Variants in COL25A1 observed in about 807,000 individuals in gnomAD.
COL25A1 encodes the protein collagen alpha-1(XXV) chain.
COL25A1 carries 103 observed loss-of-function variants against 128.4 expected under a neutral mutation model. The ratio of observed to expected loss-of-function variants is 0.80; its 90% confidence interval spans 0.68 to 0.94. COL25A1 has a LOEUF of 0.94. Among genes scored for constraint, COL25A1 ranks in the 40% least tolerant of loss-of-function variants. COL25A1 has a pLI of 0.00. For synonymous variants in COL25A1, 279 were observed against 277.2 expected (o/e 1.01, Z -0.06); for missense variants, 745 against 840.0 (o/e 0.89, Z 1.40).
At chr4:109,085,200 C>T (rs1386318628) in intron 3 of COL25A1, among the ~76,000 whole-genome samples, 3 of 152,162 alleles carry the variant, frequency 2.0e-5, no homozygotes, top group African/African-American at 7.2e-5. Context: ...CGGACTGAGT[C>T]CTGCATCTAA....
chr4:109,009,668 A>G (rs953097718), intron 6 of COL25A1, among the ~76,000 whole-genome samples: 2 of 152,210 alleles, frequency 1.3e-5, no homozygotes, highest in African/African-American at 4.8e-5. Context: ...TAAAACATTA[A>G]TAACTGCATT....
chr4:109,285,579 G>A (rs1723800449), intron 3 of COL25A1, among the ~76,000 whole-genome samples: 1 of 152,206 alleles, frequency 6.6e-6, no homozygotes, highest in Non-Finnish European at 1.5e-5. Context: ...TCTAAAAAAG[G>A]GATTATCAGT....
intron 13 of COL25A1, among the ~76,000 whole-genome samples, chr4:108,917,501 G>A (rs930724376): frequency 6.6e-6 from 1 of 152,164 alleles, no homozygotes; most frequent in African/African-American, 2.4e-5. Context: ...TGGTTTCTGT[G>A]AAGGTTCCAG....
rs1036881968 is a variant in COL25A1, at chr4:109,138,061, C to T, written c.368-87882G>A. On this transcript the variant is annotated intron_variant, in intron 3 of 37. Coordinates refer to ENST00000399132, the MANE Select transcript of COL25A1 (RefSeq NM_198721.4). ...TGCAGGTTTGCTACATAGGTATACA[C>T]GTACCATGGTGGTTTGCTGCACCCA... 2.0e-5 allele frequency among the ~76,000 whole-genome samples: 3 copies of T among 150,568 alleles called. No homozygotes were observed. The South Asian group carries it at 6.3e-4, about 32-fold the overall frequency.
intron 8 of COL25A1, among the ~76,000 whole-genome samples, chr4:108,955,374 A>T (rs28664748): frequency 0.044 from 6,624 of 152,144 alleles, 367 homozygotes; most frequent in African/African-American, 0.13. Flanking sequence ...CACAAAACGA[A>T]TTTGACTAAG....
At chr4:108,878,664 T>C (rs1739741837) in intron 19 of COL25A1, among the ~76,000 whole-genome samples, 2 of 152,188 alleles carry the variant, frequency 1.3e-5, no homozygotes, top group African/African-American at 4.8e-5. Flanking sequence ...AATTAAAACA[T>C]CTTGGTGGCA....
At chr4:109,126,554 A>G (rs1027586682) in intron 3 of COL25A1, among the ~76,000 whole-genome samples, 2 of 152,220 alleles carry the variant, frequency 1.3e-5, no homozygotes, top group African/African-American at 4.8e-5. Flanking sequence ...TAAAGTTATA[A>G]CAGCTCTTCT....
intron 3 of COL25A1, among the ~76,000 whole-genome samples, chr4:109,063,963 C>T (rs910193298): frequency 6.6e-6 from 1 of 152,116 alleles, no homozygotes; most frequent in Non-Finnish European, 1.5e-5. Flanking sequence ...ACCTAAGGCA[C>T]AGTGATAAAG....
Position 108,811,110 on chromosome 4 carries a change from A to G in COL25A1, c.*2817T>C, listed in dbSNP as rs1442415930. 1 of 152,090 alleles carries G rather than the reference A, an allele frequency of 6.6e-6. No homozygotes were observed. Among genetic ancestry groups the G allele is most frequent in the Non-Finnish European group, 1.5e-5 (1 of 67,910 alleles). 9.4% of individuals were successfully genotyped at this position (152,090 alleles called of 1,614,324 possible). A position where few individuals can be genotyped will look rare whatever the true frequency, so the allele number is the denominator to read the frequency against. Reference sequence around the variant, plus strand: ...AATCTTTAAGGAAAGTATATTATCTATCAACACATATCAACAAACACAATT... The same window carrying G: ...AATCTTTAAGGAAAGTATATTATCTGTCAACACATATCAACAAACACAATT... On this transcript the variant is annotated 3_prime_UTR_variant, in exon 38 of 38. Transcript: ENST00000399132.
intron 3 of COL25A1, among the ~76,000 whole-genome samples, chr4:109,207,293 A>C (rs199670540): frequency 3.3e-5 from 5 of 152,148 alleles, no homozygotes; most frequent in East Asian, 3.9e-4. Flanking sequence ...AAAGCATCCC[A>C]TATCAGATCA....
intron 3 of COL25A1, among the ~76,000 whole-genome samples, chr4:109,092,930 A>G (rs543554279): frequency 6.6e-6 from 1 of 152,304 alleles, no homozygotes; most frequent in Non-Finnish European, 1.5e-5. Flanking sequence ...ACCTATATTC[A>G]TAGGAGATTG....
At chr4:109,025,916 A>G (rs973115053) in intron 5 of COL25A1, among the ~76,000 whole-genome samples, 1 of 152,142 alleles carries the variant, frequency 6.6e-6, no homozygotes, top group Admixed American at 6.6e-5. Flanking sequence ...GGGGAAGTTC[A>G]AACTATGAAC....
At chr4:108,853,915 A>C (rs1027687046) in intron 24 of COL25A1, among the ~76,000 whole-genome samples, 1 of 152,154 alleles carries the variant, frequency 6.6e-6, no homozygotes, top group African/African-American at 2.4e-5. Flanking sequence ...CCAGTCTATC[A>C]TTGATGGGCA....
chr4:109,016,345 A>T (rs1648027), intron 5 of COL25A1, among the ~76,000 whole-genome samples: 1 of 152,134 alleles, frequency 6.6e-6, no homozygotes, highest in Non-Finnish European at 1.5e-5. Flanking sequence ...GGCTGAGGGC[A>T]GCGCAGTGCA....
chr4:108,835,723 T>A (rs1226634362), intron 31 of COL25A1, among the ~76,000 whole-genome samples: 2 of 151,202 alleles, frequency 1.3e-5, no homozygotes, highest in African/African-American at 4.9e-5. Flanking sequence ...CCCGGCTAAT[T>A]TTTGTTTTTA....
In COL25A1 at chr4:108,915,423, G is replaced by T. The variant is rs950150560; in HGVS notation, c.780+2749C>A. Among the ~76,000 whole-genome samples, 14 of 152,180 alleles carry T rather than the reference G, an allele frequency of 9.2e-5. 1 individual carries two copies. The East Asian group carries it at 2.7e-3, about 29-fold the overall frequency. On this transcript the variant is annotated intron_variant, in intron 13 of 37. Transcript: ENST00000399132. ...ACCATGTTGCCCAGGTTGGTCTCAA[G>T]CTCCTGAGCTTAGGCAATCCTCCTG...
At chr4:109,061,333 T>C (rs188656644) in intron 3 of COL25A1, among the ~76,000 whole-genome samples, 238 of 152,326 alleles carry the variant, frequency 1.6e-3, no homozygotes, top group African/African-American at 5.6e-3. Context: ...TTCTTCACTA[T>C]CACTACCAGG....
chr4:108,859,598 C>T, intron 24 of COL25A1, 58 bp downstream of exon 24: 1 of 1,433,126 alleles, frequency 7.0e-7, no homozygotes, highest in South Asian at 1.2e-5. Flanking sequence ...GCACACATTA[C>T]ATGGGTGCTC....
chr4:109,155,359 G>A (rs370018148), intron 3 of COL25A1, among the ~76,000 whole-genome samples: 1 of 152,144 alleles, frequency 6.6e-6, no homozygotes, highest in Non-Finnish European at 1.5e-5. Flanking sequence ...CACTTTTACA[G>A]TCATAAATTA....
Sources: gnomAD v4.1 joint callset for allele counts (sites outside exome capture counted in the v4.1 genomes callset) on GRCh38, gnomAD v4.1.1 for gene constraint, MANE v1.5 for transcripts, NCBI Gene and HGNC (gene_info 2026-07-23, HGNC 2026-07-21) for gene names.